The following TNNI3K variants were observed in gnomAD, a reference collection of about 807,000 sequenced individuals.
TNNI3K encodes the protein TNNI3 interacting kinase, also known as serine/threonine-protein kinase TNNI3K.
In TNNI3K, 140 loss-of-function variants were observed where a neutral mutation model predicts 114.5. The observed-to-expected ratio is 1.22, with a 90% CI of 1.07 to 1.41. The LOEUF (loss-of-function observed/expected upper bound fraction) is 1.41. Among genes scored for constraint, TNNI3K ranks in the 40% most tolerant of loss-of-function variants. The pLI is 0.00. For synonymous variants in TNNI3K, 347 were observed against 347.5 expected (o/e 1.00, Z 0.02); for missense variants, 1,125 against 1,007.6 (o/e 1.12, Z -1.58).
At chr1:74,444,620 T>G (rs903326128) in intron 20 of TNNI3K, among the ~76,000 whole-genome samples, 1 of 152,110 alleles carries the variant, frequency 6.6e-6, no homozygotes, top group Non-Finnish European at 1.5e-5. Context: ...AAGTAATTTA[T>G]AGATCCAATG....
At chr1:74,267,751 T>C (rs1656088857) in intron 4 of TNNI3K, among the ~76,000 whole-genome samples, 1 of 151,914 alleles carries the variant, frequency 6.6e-6, no homozygotes, top group South Asian at 2.1e-4. Flanking sequence ...AGGTCAATCT[T>C]GAGAAATCCA....
At chr1:74,539,952 C>G (rs1646706634) in intron 23 of TNNI3K, among the ~76,000 whole-genome samples, 1 of 151,806 alleles carries the variant, frequency 6.6e-6, no homozygotes, top group African/African-American at 2.4e-5. Context: ...TGTTCTTTTC[C>G]TATTTTACAG....
chr1:74,516,983 G>T (rs1253931932), intron 23 of TNNI3K, among the ~76,000 whole-genome samples: 1 of 152,114 alleles, frequency 6.6e-6, no homozygotes, highest in African/African-American at 2.4e-5. Context: ...ATGCTCCCAT[G>T]AGCATCATTA....
At chr1:74,492,332 C>A in intron 23 of TNNI3K, 66 bp downstream of exon 23, 2 of 1,389,916 alleles carry the variant, frequency 1.4e-6, no homozygotes, top group Non-Finnish European at 1.9e-6. Context: ...AGACAGTCAA[C>A]TGATTTGATT....
intron 6 of TNNI3K, among the ~76,000 whole-genome samples, chr1:74,334,626 G>A (rs1426347725): frequency 1.3e-5 from 2 of 152,218 alleles, no homozygotes; most frequent in Non-Finnish European, 1.5e-5. Flanking sequence ...TGAAACAATC[G>A]CAGGAAGACT....
chr1:74,285,606 T>G (rs1019594225), intron 5 of TNNI3K, among the ~76,000 whole-genome samples: 8 of 152,212 alleles, frequency 5.3e-5, no homozygotes, highest in African/African-American at 1.7e-4. Context: ...TTTATTATAC[T>G]CTTTTTTGAG....
In TNNI3K at chr1:74,254,164, T is replaced by TA. The variant is rs1206191163; in HGVS notation, c.333+3395_333+3396insA. ...TTGCATTTTGTCCCATTTCCATTAT[T>TA]TTTTTTTAGAACCATTTGACAGTAA... On this transcript the variant is annotated intron_variant, in intron 4 of 24. Coordinates refer to ENST00000326637, the MANE Select transcript of TNNI3K (RefSeq NM_015978.3). Among the ~76,000 whole-genome samples the TA allele has an allele frequency of 4.0e-4, 61 of 152,148 alleles. No homozygotes were observed. In the South Asian group the frequency reaches 5.6e-3, roughly 14 times the overall value.
intron 18 of TNNI3K, 97 bp downstream of exon 18, chr1:74,436,229 A>T: frequency 6.8e-7 from 1 of 1,471,512 alleles, no homozygotes; most frequent in South Asian, 1.2e-5. Flanking sequence ...CTGAACACTG[A>T]CAGCTATACT....
chr1:74,236,242 T>G (rs1653851557), intron 2 of TNNI3K, 32 bp downstream of exon 2: 11 of 1,569,612 alleles, frequency 7.0e-6, no homozygotes, highest in Non-Finnish European at 8.7e-6. Context: ...TTTCTTTGTA[T>G]AAGTGTCTTC....
chr1:74,498,516 A>G (rs1425269572), intron 23 of TNNI3K, among the ~76,000 whole-genome samples: 1 of 152,102 alleles, frequency 6.6e-6, no homozygotes, highest in Non-Finnish European at 1.5e-5. Context: ...TTTATTATTT[A>G]ATTGCATGTG....
chr1:74,471,706 A>T, intron 21 of TNNI3K: 1 of 402,532 alleles, frequency 2.5e-6, no homozygotes, highest in Non-Finnish European at 4.4e-6. Flanking sequence ...ATCATGGAAG[A>T]TAACCCTCTT....
chr1:74,316,723 T>C (rs1659327281), intron 5 of TNNI3K, among the ~76,000 whole-genome samples: 1 of 152,014 alleles, frequency 6.6e-6, no homozygotes, highest in African/African-American at 2.4e-5. Flanking sequence ...GGAGTCTCTC[T>C]CTGTCGCCCA....
chr1:74,426,456 C>T (rs1416972812), intron 17 of TNNI3K, among the ~76,000 whole-genome samples: 3 of 151,712 alleles, frequency 2.0e-5, no homozygotes, highest in Admixed American at 6.6e-5. Flanking sequence ...TAAAGCCCAG[C>T]TCTCCTCACA....
At chr1:74,443,197 CT>C (rs1208613821) in intron 20 of TNNI3K, among the ~76,000 whole-genome samples, 74 of 152,080 alleles carry the variant, frequency 4.9e-4, no homozygotes, top group Non-Finnish European at 6.2e-4. Context: ...CACAAAAAAC[CT>C]TTCAGAAAAT....
At position 74,456,949 on chromosome 1, in the gene TNNI3K, C is replaced by T. The variant is rs182775373; in HGVS notation, c.2012-6492C>T. 2.5e-3 allele frequency among the ~76,000 whole-genome samples: 377 copies of T among 152,220 alleles called. 2 individuals are homozygous for T. The highest frequency in any genetic ancestry group is 0.014 in the Middle Eastern group (4 of 294). On this transcript the variant is annotated intron_variant, in intron 20 of 24. Coordinates refer to ENST00000326637, the MANE Select transcript of TNNI3K (RefSeq NM_015978.3). The stretch of plus-strand genomic sequence containing the variant: ...AAAGACACAGATATTCAATAGGTCT[C>T]ATATTGGTAGCCATTTGAGTTTACT...
chr1:74,535,882 T>C (rs955226950), intron 23 of TNNI3K, among the ~76,000 whole-genome samples: 1 of 152,134 alleles, frequency 6.6e-6, no homozygotes, highest in Non-Finnish European at 1.5e-5. Context: ...TCAGGAGTAA[T>C]TCTGTCCAAC....
chr1:74,253,484 C>T (rs895545826), intron 4 of TNNI3K, among the ~76,000 whole-genome samples: 2 of 152,154 alleles, frequency 1.3e-5, no homozygotes, highest in Non-Finnish European at 2.9e-5. Flanking sequence ...TGAGCCCTGC[C>T]GCACGGGGAG....
At chr1:74,428,455 G>T (rs1665737335) in intron 17 of TNNI3K, among the ~76,000 whole-genome samples, 1 of 152,082 alleles carries the variant, frequency 6.6e-6, no homozygotes, top group Non-Finnish European at 1.5e-5. Context: ...CCTTCAAAGG[G>T]ATTAATGGGG....
At chr1:74,296,852 A>T (rs965909827) in intron 5 of TNNI3K, among the ~76,000 whole-genome samples, 11 of 152,042 alleles carry the variant, frequency 7.2e-5, no homozygotes, top group Non-Finnish European at 1.5e-4. Context: ...GCTATTTTAA[A>T]TTTTTTTCCG....
Sources: allele counts gnomAD v4.1 joint callset (sites outside exome capture counted in the v4.1 genomes callset), GRCh38; gene constraint gnomAD v4.1.1; transcripts MANE v1.5; gene names NCBI Gene and HGNC (gene_info 2026-07-23, HGNC 2026-07-21).